Variants in MYO18B observed in about 807,000 individuals in gnomAD.
The protein encoded by MYO18B is unconventional myosin-XVIIIb.
In MYO18B, 204 loss-of-function variants were observed where a neutral mutation model predicts 273.0. The ratio of observed to expected loss-of-function variants is 0.75; its 90% CI spans 0.67 to 0.84. The LOEUF (loss-of-function observed/expected upper bound fraction) is 0.84. Among genes scored for constraint, MYO18B ranks in the 40% least tolerant of loss-of-function variants. MYO18B has a pLI of 0.00. For synonymous variants in MYO18B, 1,330 were observed against 1,305.7 expected (o/e 1.02, Z -0.40); for missense variants, 3,212 against 3,287.6 (o/e 0.98, Z 0.56).
chr22:25,884,462 C>G (rs1304639569), intron 25 of MYO18B, among the ~76,000 whole-genome samples: 1 of 152,244 alleles, frequency 6.6e-6, no homozygotes, highest in East Asian at 1.9e-4. Context: ...ATCTGTTGAG[C>G]CTTCACTGTT....
At chr22:25,868,173 G>A (rs1232813862) in intron 21 of MYO18B, 147 bp from the exon 22 acceptor site, 2 of 657,758 alleles carry the variant, frequency 3.0e-6, no homozygotes, top group Non-Finnish European at 5.3e-6. Flanking sequence ...ACCTTCCTGT[G>A]TGAGGTGGGG....
chr22:25,935,384 C>T (rs1056237486), intron 34 of MYO18B, among the ~76,000 whole-genome samples: 3 of 152,134 alleles, frequency 2.0e-5, no homozygotes, highest in Non-Finnish European at 4.4e-5. Context: ...TAGGCATGCC[C>T]TCCTGAGGCA....
chr22:25,935,126 A>G (rs1274863585), intron 34 of MYO18B, among the ~76,000 whole-genome samples: 1 of 152,234 alleles, frequency 6.6e-6, no homozygotes, highest in Non-Finnish European at 1.5e-5. Context: ...TCCAATTAAC[A>G]AGAACCAGGC....
chr22:25,847,281 A>G (rs775889567), intron 19 of MYO18B, 149 bp from the exon 20 acceptor site: 1 of 633,472 alleles, frequency 1.6e-6, no homozygotes, highest in Non-Finnish European at 2.8e-6. Flanking sequence ...CATGAGCACA[A>G]ATCAGGCTGT....
At chr22:25,929,938 T>C (rs2092474111) in intron 34 of MYO18B, among the ~76,000 whole-genome samples, 1 of 152,134 alleles carries the variant, frequency 6.6e-6, no homozygotes, top group African/African-American at 2.4e-5. Context: ...TAGTTTCACA[T>C]TGCCTTCAGC....
chr22:25,746,477 G>A (rs746885178), intron 1 of MYO18B, among the ~76,000 whole-genome samples: 6 of 152,172 alleles, frequency 3.9e-5, no homozygotes, highest in Non-Finnish European at 7.3e-5. Flanking sequence ...CCTGTCATGT[G>A]CTTGGAAAAA....
intron 39 of MYO18B, among the ~76,000 whole-genome samples, chr22:25,956,508 G>A (rs541222005): frequency 3.9e-5 from 6 of 152,166 alleles, no homozygotes; most frequent in South Asian, 2.1e-4. Flanking sequence ...GAGCCACTGC[G>A]CCCGGCCCCA....
At chr22:26,038,400 A>G in the MYO18B span, among the ~76,000 whole-genome samples, 1 of 152,010 alleles carries the variant, frequency 6.6e-6, no homozygotes, top group Non-Finnish European at 1.5e-5. Flanking sequence ...AGTCAGGACA[A>G]CGATGATATT....
intron 42 of MYO18B, among the ~76,000 whole-genome samples, chr22:26,017,989 T>G (rs1935513868): frequency 9.0e-6 from 1 of 110,694 alleles, no homozygotes. Flanking sequence ...TTTTTTTTTT[T>G]TGCGGGGGCA....
At chr22:25,797,472 A>G (rs959623377) in intron 11 of MYO18B, among the ~76,000 whole-genome samples, 9 of 152,140 alleles carry the variant, frequency 5.9e-5, no homozygotes, top group African/African-American at 1.9e-4. Context: ...GCATAGACCT[A>G]TAGCACAACT....
At chr22:25,969,127 T>G (rs981204281) in intron 39 of MYO18B, among the ~76,000 whole-genome samples, 2 of 152,106 alleles carry the variant, frequency 1.3e-5, no homozygotes, top group Non-Finnish European at 2.9e-5. Context: ...CCTCCCCTTC[T>G]CCATCCCATT....
intron 34 of MYO18B, among the ~76,000 whole-genome samples, chr22:25,926,609 A>G (rs2092424924): frequency 6.6e-6 from 1 of 152,158 alleles, no homozygotes; most frequent in African/African-American, 2.4e-5. Flanking sequence ...GTTTTGTTGT[A>G]TAAAGGACAT....
At chr22:25,895,703 G>A (rs1403836319) in intron 28 of MYO18B, 1 of 154,470 alleles carries the variant, frequency 6.5e-6, no homozygotes, top group African/African-American at 2.4e-5. Flanking sequence ...TAGCCTCCTA[G>A]CTGTGCTCCT....
intron 42 of MYO18B, among the ~76,000 whole-genome samples, chr22:26,019,509 C>T (rs5752254): frequency 0.45 from 68,558 of 152,084 alleles, 15,951 homozygotes; most frequent in Non-Finnish European, 0.51. Flanking sequence ...GTGCTATTTA[C>T]CTGCACACCA....
intron 34 of MYO18B, among the ~76,000 whole-genome samples, chr22:25,926,223 A>AT (rs1354836617): frequency 6.6e-6 from 1 of 152,150 alleles, no homozygotes; most frequent in African/African-American, 2.4e-5. Context: ...AAGAAAAAAA[A>AT]AGAAATTAGA....
chr22:25,744,155 C>A (rs932823284), intron 1 of MYO18B, among the ~76,000 whole-genome samples: 2 of 152,164 alleles, frequency 1.3e-5, no homozygotes, highest in African/African-American at 4.8e-5. Context: ...GGAAAACGTG[C>A]ACAGCACTTT....
rs767539757 is a variant in MYO18B, at chr22:26,004,798, A to G, written c.6413A>G (p.Asp2138Gly). 2.5e-6 allele frequency: 4 copies of G among 1,613,848 alleles called. No individual in the cohort carries two copies. In the African/African-American group the frequency reaches 5.3e-5, roughly 22 times the overall value. The change falls in exon 42 of 44, where the codon GAT becomes GGT. Residue 2138 changes from aspartate (D) to glycine (G), a missense_variant. Physicochemically the swap from Asp to Gly is moderately conservative, Grantham distance 94 (BLOSUM62 -1). Transcript: ENST00000335473. The stretch of plus-strand genomic sequence containing the variant: ...AGCTGTACTCTGTCCCTGGCCACAG[A>G]TACTATGAGGACTCCTTCTCGACAG... ...WLSCTLSLAT[D>G]TMRTPSRQSA...
At chr22:25,920,528 T>C (rs1409910752) in intron 33 of MYO18B, among the ~76,000 whole-genome samples, 5 of 152,282 alleles carry the variant, frequency 3.3e-5, no homozygotes, top group Admixed American at 3.3e-4. Flanking sequence ...TTGACAGCTG[T>C]CCCTGGCAAA....
At chr22:25,850,338 C>T (rs964863306) in intron 20 of MYO18B, among the ~76,000 whole-genome samples, 8 of 152,124 alleles carry the variant, frequency 5.3e-5, no homozygotes, top group African/African-American at 1.9e-4. Context: ...CCTTTGGGAC[C>T]TGGTCTCTGC....
Sources: gnomAD v4.1 joint callset for allele counts (sites outside exome capture counted in the v4.1 genomes callset) on GRCh38, gnomAD v4.1.1 for gene constraint, MANE v1.5 for transcripts, NCBI Gene and HGNC (gene_info 2026-07-23, HGNC 2026-07-21) for gene names.